Variants in ATG10 observed in about 807,000 individuals in gnomAD.
ATG10 encodes the protein autophagy related 10.
A neutral mutation model predicts 32.1 loss-of-function variants in ATG10; 30 were observed. The observed-to-expected ratio is 0.94, with a 90% CI of 0.70 to 1.27. The LOEUF is 1.27. Ranked by LOEUF, ATG10 falls within the 50% of genes most tolerant of loss-of-function variation. The pLI is 0.00. For missense variants in ATG10, 233 were observed against 262.3 expected, an observed-to-expected ratio of 0.89 and a Z score of 0.77; for synonymous variants, 87 against 91.5, an observed-to-expected ratio of 0.95 and a Z score of 0.28.
intron 2 of ATG10, among the ~76,000 whole-genome samples, chr5:81,999,060 A>G (rs981436511): frequency 2.6e-5 from 4 of 151,996 alleles, no homozygotes; most frequent in African/African-American, 9.7e-5. Context: ...TGCTGTACCC[A>G]GAAACAACAG....
chr5:82,253,716 C>T (rs536722770), intron 7 of ATG10, among the ~76,000 whole-genome samples: 22 of 152,322 alleles, frequency 1.4e-4, no homozygotes, highest in African/African-American at 5.1e-4. Flanking sequence ...AGATCAGCTG[C>T]AGCATTGGAT....
chr5:82,125,544 T>G (rs1766231930), intron 3 of ATG10, among the ~76,000 whole-genome samples: 1 of 152,240 alleles, frequency 6.6e-6, no homozygotes, highest in Non-Finnish European at 1.5e-5. Context: ...TTTTCCCTAT[T>G]GCTTGTTTTT....
chr5:82,055,770 C>T (rs1042197654), intron 2 of ATG10, among the ~76,000 whole-genome samples: 4 of 152,160 alleles, frequency 2.6e-5, no homozygotes, highest in Non-Finnish European at 4.4e-5. Context: ...AATGACATTT[C>T]GGTCAAGAAC....
chr5:82,068,053 A>G (rs1163180553), intron 3 of ATG10, among the ~76,000 whole-genome samples: 1 of 152,178 alleles, frequency 6.6e-6, no homozygotes, highest in East Asian at 1.9e-4. Flanking sequence ...GAGGAGGGCC[A>G]TTTAATACAT....
intron 2 of ATG10, among the ~76,000 whole-genome samples, chr5:82,037,349 G>A (rs1438049114): frequency 8.5e-6 from 1 of 117,846 alleles, no homozygotes; most frequent in Non-Finnish European, 1.7e-5. Context: ...CCGGGTTCAC[G>A]CCATTCTCCT....
Position 82,254,189 on chromosome 5 carries a change from A to G in ATG10, c.*126A>G, listed in dbSNP as rs767002816. ...ATCTCACCAAGATGTGACATGGATT[A>G]TTTTTCCCTTGGACACAAATGTCTA... is the stretch of plus-strand genomic sequence containing the variant. On this transcript the variant is annotated 3_prime_UTR_variant, in exon 8 of 8. Transcript: ENST00000282185. 1 of 152,158 alleles carries G rather than the reference A, an allele frequency of 6.6e-6. No homozygotes were observed. Among genetic ancestry groups the G allele is most frequent in the African/African-American group, 2.4e-5 (1 of 41,444 alleles). 9.4% of individuals were successfully genotyped at this position (152,158 alleles called of 1,614,324 possible).
chr5:82,015,553 T>C (rs1484081010), intron 2 of ATG10, among the ~76,000 whole-genome samples: 2 of 152,224 alleles, frequency 1.3e-5, no homozygotes, highest in African/African-American at 2.4e-5. Context: ...TCTAAACTTC[T>C]CTTCTCGCTT....
intron 5 of ATG10, among the ~76,000 whole-genome samples, chr5:82,186,687 A>G (rs1427232640): frequency 6.8e-6 from 1 of 146,970 alleles, no homozygotes. Flanking sequence ...CTCGCCTCCC[A>G]GGTCAAGTGA....
chr5:82,210,754 C>A (rs962904927), intron 5 of ATG10, among the ~76,000 whole-genome samples: 3 of 152,028 alleles, frequency 2.0e-5, no homozygotes, highest in African/African-American at 7.2e-5. Context: ...AATGATAATA[C>A]CTGCCCCACC....
chr5:82,132,070 A>G lies in ATG10; in HGVS notation c.217-32329A>G, dbSNP rs576167254. Among the ~76,000 whole-genome samples the G allele has an allele frequency of 3.3e-5, 5 of 152,232 alleles. No homozygotes were observed. The South Asian group carries it at 1.0e-3, about 32-fold the overall frequency. On this transcript the variant is annotated intron_variant, in intron 3 of 7. Transcript: ENST00000282185. Reference sequence around the variant, plus strand: ...CATGAGGGATCTGTGCCCATGATCCAAATACCTACTACCAGGACCCACCTC... The same window carrying G: ...CATGAGGGATCTGTGCCCATGATCCGAATACCTACTACCAGGACCCACCTC...
chr5:81,997,049 A>G (rs1215985233), intron 2 of ATG10, among the ~76,000 whole-genome samples: 4 of 152,150 alleles, frequency 2.6e-5, no homozygotes, highest in African/African-American at 9.7e-5. Context: ...CATGGATGCC[A>G]GTGACCCTAC....
intron 2 of ATG10, among the ~76,000 whole-genome samples, chr5:81,989,638 G>T (rs1158726984): frequency 7.3e-5 from 11 of 150,040 alleles, no homozygotes. Flanking sequence ...TCGCTCTGTC[G>T]CCCAGGCTGG....
intron 3 of ATG10, among the ~76,000 whole-genome samples, chr5:82,145,851 C>T (rs542911832): frequency 3.3e-5 from 5 of 152,064 alleles, no homozygotes; most frequent in African/African-American, 1.2e-4. Flanking sequence ...GGATTACAGG[C>T]ATGCACCACC....
At chr5:82,201,040 A>G (rs376229517) in intron 5 of ATG10, among the ~76,000 whole-genome samples, 3 of 151,888 alleles carry the variant, frequency 2.0e-5, no homozygotes, top group Non-Finnish European at 4.4e-5. Context: ...ACCTGCCACC[A>G]TACCTGGCTA....
chr5:81,989,801 A>G (rs1358878505), intron 2 of ATG10, among the ~76,000 whole-genome samples: 1 of 151,666 alleles, frequency 6.6e-6, no homozygotes, highest in Non-Finnish European at 1.5e-5. Context: ...ACAGGATTTC[A>G]CCATGGTCTC....
At chr5:82,214,987 G>A (rs1052132090) in intron 5 of ATG10, among the ~76,000 whole-genome samples, 1 of 152,212 alleles carries the variant, frequency 6.6e-6, no homozygotes, top group African/African-American at 2.4e-5. Context: ...GTATTTCAGA[G>A]CTTTTATTTT....
intron 3 of ATG10, among the ~76,000 whole-genome samples, chr5:82,131,980 G>T (rs1030067314): frequency 4.6e-5 from 7 of 151,966 alleles, no homozygotes; most frequent in Non-Finnish European, 1.0e-4. Flanking sequence ...AAGTGAGGGG[G>T]AAATGCCACA....
intron 2 of ATG10, among the ~76,000 whole-genome samples, chr5:82,012,699 C>T (rs535632303): frequency 3.7e-4 from 57 of 152,188 alleles, no homozygotes; most frequent in African/African-American, 1.3e-3. Context: ...CTGTGTCATC[C>T]AGGCTGGATG....
rs139279722 is a variant in ATG10 at position 82,005,649 on chromosome 5, A to G, written c.108+17971A>G. Among the ~76,000 whole-genome samples, 988 of 152,152 alleles carry G rather than the reference A, an allele frequency of 6.5e-3. 8 individuals carry two copies. The highest frequency in any genetic ancestry group is 0.023 in the African/African-American group (942 of 41,514). On this transcript the variant is annotated intron_variant, in intron 2 of 7. Coordinates refer to ENST00000282185, the MANE Select transcript of ATG10 (RefSeq NM_031482.5). ...TGAAACTCTACCTTGCTTTCTAGAA[A>G]TTTTGTTTTGTTTGATTTTTGTGTT... is the stretch of plus-strand genomic sequence containing the variant.
Sources: gnomAD v4.1 joint callset for allele counts (sites outside exome capture counted in the v4.1 genomes callset) on GRCh38, gnomAD v4.1.1 for gene constraint, MANE v1.5 for transcripts, NCBI Gene and HGNC (gene_info 2026-07-23, HGNC 2026-07-21) for gene names.